SNTG1: variants seen among roughly 807,000 people sequenced by gnomAD.
The protein encoded by SNTG1 is gamma-1-syntrophin.
SNTG1 carries 39 observed loss-of-function variants against 74.7 expected under a neutral mutation model. The ratio of observed to expected loss-of-function variants is 0.52; its 90% CI spans 0.40 to 0.68. SNTG1 has a LOEUF of 0.68. Among genes scored for constraint, SNTG1 ranks in the 30% least tolerant of loss-of-function variants. The pLI, the probability that SNTG1 is intolerant of heterozygous loss-of-function variation, is 0.00. For synonymous variants in SNTG1, 254 were observed against 217.1 expected (o/e 1.17, Z -1.49); for missense variants, 685 against 609.5 (o/e 1.12, Z -1.30).
At chr8:50,497,977 T>C (rs955155545) in intron 8 of SNTG1, among the ~76,000 whole-genome samples, 2 of 152,032 alleles carry the variant, frequency 1.3e-5, no homozygotes, top group African/African-American at 4.8e-5. Flanking sequence ...CACATTCCAT[T>C]ATAAGGATAT....
Position 50,732,365 on chromosome 8 carries a change from T to C in SNTG1, c.1285-19636T>C, listed in dbSNP as rs562069126. Among the ~76,000 whole-genome samples the C allele has an allele frequency of 2.2e-4, 32 of 145,646 alleles. 1 individual carries two copies. The South Asian group carries it at 7.4e-3, about 34-fold the overall frequency. Reference sequence around the variant, plus strand: ...AGGCGTGCTACAAACAGTGAGGTACTTTGGCAGACATTTTTTCTCTATTTG... The same window carrying C: ...AGGCGTGCTACAAACAGTGAGGTACCTTGGCAGACATTTTTTCTCTATTTG... On this transcript the variant is annotated intron_variant, in intron 17 of 18. Transcript: ENST00000642720.
At chr8:50,326,629 G>T (rs2090761232) in intron 2 of SNTG1, among the ~76,000 whole-genome samples, 1 of 146,472 alleles carries the variant, frequency 6.8e-6, no homozygotes, top group African/African-American at 2.5e-5. Context: ...TAATTTTATT[G>T]ATCTTTTCCA....
At chr8:49,966,619 T>A (rs969581960) in intron 1 of SNTG1, among the ~76,000 whole-genome samples, 5 of 152,108 alleles carry the variant, frequency 3.3e-5, no homozygotes, top group African/African-American at 1.2e-4. Flanking sequence ...GGTCTCAAAC[T>A]CCTGACCTCA....
intron 18 of SNTG1, among the ~76,000 whole-genome samples, chr8:50,768,052 C>T (rs2095618172): frequency 6.6e-6 from 1 of 151,960 alleles, no homozygotes; most frequent in Non-Finnish European, 1.5e-5. Flanking sequence ...ATTTGCTTCT[C>T]TATTTAGTGG....
intron 2 of SNTG1, among the ~76,000 whole-genome samples, chr8:50,182,557 A>G (rs910335542): frequency 2.6e-5 from 4 of 152,200 alleles, no homozygotes; most frequent in Non-Finnish European, 5.9e-5. Context: ...CTAATATATT[A>G]GTTATAAAAG....
chr8:50,503,825 T>C (rs1428875022), intron 9 of SNTG1, among the ~76,000 whole-genome samples: 1 of 152,216 alleles, frequency 6.6e-6, no homozygotes, highest in Non-Finnish European at 1.5e-5. Context: ...CTATAATAAA[T>C]AAAGCTGCTG....
At chr8:49,943,043 T>C (rs1300359509) in intron 1 of SNTG1, among the ~76,000 whole-genome samples, 1 of 152,234 alleles carries the variant, frequency 6.6e-6, no homozygotes, top group Admixed American at 6.5e-5. Context: ...TAATCATTCA[T>C]TGTATCAGTA....
chr8:50,010,785 CTTTTTT>C (rs774350614), intron 1 of SNTG1, among the ~76,000 whole-genome samples: 2 of 89,154 alleles, frequency 2.2e-5, no homozygotes, highest in Non-Finnish European at 4.3e-5. Flanking sequence ...ACAGGCCTCT[CTTTTTT>C]TTTTTTTTTT....
intron 18 of SNTG1, among the ~76,000 whole-genome samples, chr8:50,763,648 TTGTGTGTGTG>T (rs141415804): frequency 6.3e-4 from 74 of 117,136 alleles, no homozygotes; most frequent in South Asian, 1.4e-3. Flanking sequence ...ATTGCCTTTA[TTGTGTGTGTG>T]TGTGTGTGTG....
At chr8:50,427,147 A>C (rs2093173430) in intron 4 of SNTG1, among the ~76,000 whole-genome samples, 1 of 152,126 alleles carries the variant, frequency 6.6e-6, no homozygotes, top group Non-Finnish European at 1.5e-5. Context: ...TACTCACAGT[A>C]AAGGTTTCAT....
chr8:50,709,404 C>T (rs2095455363), intron 17 of SNTG1, among the ~76,000 whole-genome samples: 1 of 151,944 alleles, frequency 6.6e-6, no homozygotes, highest in African/African-American at 2.4e-5. Flanking sequence ...TTATAGCTGA[C>T]ATGTTAGAAT....
chr8:49,949,443 CT>C (rs978448837), intron 1 of SNTG1, among the ~76,000 whole-genome samples: 11 of 152,102 alleles, frequency 7.2e-5, no homozygotes, highest in Middle Eastern at 3.4e-3. Flanking sequence ...AGACCACTCT[CT>C]TTTTTTTCTT....
intron 2 of SNTG1, among the ~76,000 whole-genome samples, chr8:50,390,522 T>C (rs2092642321): frequency 2.0e-5 from 3 of 152,226 alleles, no homozygotes; most frequent in Admixed American, 2.0e-4. Flanking sequence ...AGCTTTGTTC[T>C]TTTGGCTTAG....
At chr8:50,372,815 C>T (rs548656778) in intron 2 of SNTG1, among the ~76,000 whole-genome samples, 40 of 151,926 alleles carry the variant, frequency 2.6e-4, no homozygotes, top group Non-Finnish European at 4.4e-4. Flanking sequence ...TAGTATATCC[C>T]AAGAAACTGC....
intron 1 of SNTG1, among the ~76,000 whole-genome samples, chr8:50,120,480 T>TA (rs1315195733): frequency 1.4e-5 from 2 of 140,302 alleles, no homozygotes; most frequent in Admixed American, 1.5e-4. Flanking sequence ...CCATTACTAC[T>TA]GCCACTAACA....
chr8:50,632,285 T>TTTTATTTATTCA (rs758805653), intron 13 of SNTG1, among the ~76,000 whole-genome samples: 1,774 of 134,390 alleles, frequency 0.013, 37 homozygotes, highest in African/African-American at 0.041. Flanking sequence ...GTCTTTTTAA[T>TTTTATTTATTCA]TTTATTTATT....
At chr8:50,643,014 G>A (rs2095083703) in intron 13 of SNTG1, among the ~76,000 whole-genome samples, 1 of 151,948 alleles carries the variant, frequency 6.6e-6, no homozygotes, top group Non-Finnish European at 1.5e-5. Flanking sequence ...ACCCTTATAT[G>A]TGGACACTGT....
At chr8:50,209,359 T>G (rs574479356) in intron 2 of SNTG1, among the ~76,000 whole-genome samples, 43 of 152,270 alleles carry the variant, frequency 2.8e-4, no homozygotes, top group Admixed American at 2.6e-3. Flanking sequence ...GTCTGACAGC[T>G]TTAAAGAAAG....
At chr8:50,161,843 A>G (rs189144216) in intron 1 of SNTG1, among the ~76,000 whole-genome samples, 19 of 152,312 alleles carry the variant, frequency 1.2e-4, no homozygotes, top group Non-Finnish European at 1.5e-5. Context: ...AAAGACCACA[A>G]ATTAGGTTAA....
Sources: gnomAD v4.1 joint callset for allele counts (sites outside exome capture counted in the v4.1 genomes callset) on GRCh38, gnomAD v4.1.1 for gene constraint, MANE v1.5 for transcripts, NCBI Gene and HGNC (gene_info 2026-07-23, HGNC 2026-07-21) for gene names.